Variants in THEMIS observed in about 807,000 individuals in gnomAD.
The protein encoded by THEMIS is thymocyte selection associated.
A neutral mutation model predicts 52.6 loss-of-function variants in THEMIS; 37 were observed. That is an observed-to-expected ratio of 0.70 (90% CI 0.54 to 0.93). The LOEUF is 0.93. THEMIS is among the 40% of genes least tolerant of loss of function. The probability of loss-of-function intolerance (pLI) is 0.00; values close to 1 mark genes in which losing one functional copy is unlikely to be tolerated. For synonymous variants in THEMIS, 292 were observed against 272.7 expected (o/e 1.07, Z -0.70); for missense variants, 808 against 763.1 (o/e 1.06, Z -0.69).
chr6:127,843,929 C>T (rs270005), intron 2 of THEMIS, among the ~76,000 whole-genome samples: 54,208 of 151,818 alleles, frequency 0.36, 10,423 homozygotes, highest in Middle Eastern at 0.47. Context: ...TTCAGAGACT[C>T]CATTCCCTGC....
intron 4 of THEMIS, among the ~76,000 whole-genome samples, chr6:127,732,291 G>A (rs2114529421): frequency 6.6e-6 from 1 of 151,940 alleles, no homozygotes; most frequent in East Asian, 1.9e-4. Context: ...ACATTTTGAT[G>A]GGTATGGTTC....
intron 4 of THEMIS, among the ~76,000 whole-genome samples, chr6:127,732,123 C>T (rs780965295): frequency 8.6e-5 from 13 of 151,094 alleles, no homozygotes; most frequent in African/African-American, 2.7e-4. Flanking sequence ...AGACAAGTAT[C>T]TTCATATTCT....
At chr6:127,878,628 T>A (rs980049141) in intron 1 of THEMIS, among the ~76,000 whole-genome samples, 4 of 152,138 alleles carry the variant, frequency 2.6e-5, no homozygotes, top group African/African-American at 7.2e-5. Context: ...TGGATTCTGG[T>A]CAGTTGGGAC....
chr6:127,838,324 G>A (rs1452602351), intron 2 of THEMIS, among the ~76,000 whole-genome samples: 1 of 152,032 alleles, frequency 6.6e-6, no homozygotes, highest in South Asian at 2.1e-4. Context: ...AGGTGGAAAA[G>A]TTGTTATTGT....
chr6:127,876,094 T>C (rs967716552), intron 1 of THEMIS, among the ~76,000 whole-genome samples: 17 of 152,132 alleles, frequency 1.1e-4, no homozygotes, highest in Admixed American at 9.8e-4. Flanking sequence ...AAGAAGAATA[T>C]ATTGGAAATG....
At position 127,730,277 on chromosome 6, in the gene THEMIS, T is replaced by TAAAGAAAAGAAAAGA. The variant is rs200876150; in HGVS notation, c.1759-10469_1759-10455dup. Among the ~76,000 whole-genome samples, 29 of 54,732 alleles carry TAAAGAAAAGAAAAGA rather than the reference T, an allele frequency of 5.3e-4. 1 individual carries two copies. The highest frequency in any genetic ancestry group is 1.2e-3 in the African/African-American group (20 of 17,356). The allele number at this position is 54,732 out of a possible 152,430, so 35.9% of individuals were successfully genotyped here. ...AGACAGACCCTGTATCTATAGGAAATAAAGAAAAGAAAAGAAAAGAAAAGA... is the reference window on the plus strand; with the variant it reads ...AGACAGACCCTGTATCTATAGGAAATAAAGAAAAGAAAAGAAAAGAAAAGAAAAGAAAAGAAAAGA... On this transcript the variant is annotated intron_variant, in intron 4 of 5. Coordinates refer to ENST00000368248, the MANE Select transcript of THEMIS (RefSeq NM_001010923.3).
intron 1 of THEMIS, among the ~76,000 whole-genome samples, chr6:127,880,201 G>A (rs1343504891): frequency 6.6e-6 from 1 of 152,010 alleles, no homozygotes; most frequent in African/African-American, 2.4e-5. Flanking sequence ...GTAAATTTGC[G>A]TCAAACAGTA....
chr6:127,716,640 C>T (rs370744578), intron 5 of THEMIS, among the ~76,000 whole-genome samples: 8 of 151,922 alleles, frequency 5.3e-5, no homozygotes, highest in Non-Finnish European at 8.8e-5. Context: ...CTGCCTCAAG[C>T]GCTGTTCCTG....
At chr6:127,891,758 G>A (rs981710264) in intron 1 of THEMIS, among the ~76,000 whole-genome samples, 1 of 152,012 alleles carries the variant, frequency 6.6e-6, no homozygotes, top group Non-Finnish European at 1.5e-5. Flanking sequence ...TGGCAATCAG[G>A]TCTTGTCAGT....
At chr6:127,906,973 CA>C (rs1370531507) in intron 1 of THEMIS, among the ~76,000 whole-genome samples, 1 of 151,184 alleles carries the variant, frequency 6.6e-6, no homozygotes. Context: ...AATTCACAAG[CA>C]GAGAAATAAG....
chr6:127,854,736 G>T (rs916362435), intron 2 of THEMIS, among the ~76,000 whole-genome samples: 1 of 151,734 alleles, frequency 6.6e-6, no homozygotes, highest in Admixed American at 6.6e-5. Context: ...TGATTTCTTG[G>T]TTCTCATTAT....
At chr6:127,838,579 T>C (rs915099360) in intron 2 of THEMIS, among the ~76,000 whole-genome samples, 3 of 152,108 alleles carry the variant, frequency 2.0e-5, no homozygotes, top group Non-Finnish European at 4.4e-5. Context: ...TATGGTTTTC[T>C]ATTATATTTG....
At chr6:127,857,422 A>G (rs1583360328) in intron 1 of THEMIS, among the ~76,000 whole-genome samples, 1 of 152,120 alleles carries the variant, frequency 6.6e-6, no homozygotes, top group East Asian at 1.9e-4. Flanking sequence ...GGAAACTTCA[A>G]GTACTTTGTT....
At chr6:127,785,295 G>A (rs189057001) in intron 4 of THEMIS, among the ~76,000 whole-genome samples, 10,197 of 147,572 alleles carry the variant, frequency 0.069, 403 homozygotes, top group Non-Finnish European at 0.085. Context: ...CTATCTATCT[G>A]TCTTTCTATC....
intron 1 of THEMIS, 115 bp downstream of exon 1, chr6:127,900,727 G>A (rs1016157270): frequency 5.7e-5 from 50 of 875,206 alleles, no homozygotes; most frequent in Middle Eastern, 5.5e-4. Context: ...TTTTGTGATC[G>A]CCTTTCCTTT....
chr6:127,913,348 C>T (rs943482858), intron 1 of THEMIS, among the ~76,000 whole-genome samples: 2 of 151,858 alleles, frequency 1.3e-5, no homozygotes, highest in Non-Finnish European at 2.9e-5. Context: ...TTTATGTGTC[C>T]ATTTGCATGC....
intron 4 of THEMIS, among the ~76,000 whole-genome samples, chr6:127,777,931 T>A (rs1172098177): frequency 6.6e-6 from 1 of 152,108 alleles, no homozygotes; most frequent in East Asian, 1.9e-4. Context: ...ATCACAAGAA[T>A]CTACTCTTTG....
intron 4 of THEMIS, among the ~76,000 whole-genome samples, chr6:127,747,099 T>A (rs9401995): frequency 0.012 from 56 of 4,840 alleles, 5 homozygotes; most frequent in East Asian, 0.073. Context: ...ATATTATATA[T>A]AATTATATAT....
chr6:127,829,368 C>T, intron 3 of THEMIS, 108 bp downstream of exon 3: 1 of 863,300 alleles, frequency 1.2e-6, no homozygotes, highest in African/African-American at 1.7e-5. Flanking sequence ...CTCACAGGCT[C>T]AATAGTTGAA....
Sources: gnomAD v4.1 joint callset for allele counts (sites outside exome capture counted in the v4.1 genomes callset) on GRCh38, gnomAD v4.1.1 for gene constraint, MANE v1.5 for transcripts, NCBI Gene and HGNC (gene_info 2026-07-23, HGNC 2026-07-21) for gene names.